Variants in ADGRB3 observed in about 807,000 individuals in gnomAD.
ADGRB3 encodes adhesion G protein-coupled receptor B3.
ADGRB3 carries 37 observed loss-of-function variants against 193.4 expected under a neutral mutation model. The observed-to-expected ratio is 0.19, with a 90% CI of 0.15 to 0.25. The LOEUF (loss-of-function observed/expected upper bound fraction) is 0.25. Ranked by LOEUF, ADGRB3 falls within the 10% of genes least tolerant of loss-of-function variation. ADGRB3 has a pLI of 1.00. For synonymous variants in ADGRB3, 690 were observed against 644.2 expected, an observed-to-expected ratio of 1.07 and a Z score of -1.08; for missense variants, 1,637 against 1,852.9, an observed-to-expected ratio of 0.88 and a Z score of 2.14.
intron 17 of ADGRB3, among the ~76,000 whole-genome samples, chr6:69,172,911 T>C (rs1164852190): frequency 2.0e-5 from 3 of 152,116 alleles, no homozygotes; most frequent in Non-Finnish European, 4.4e-5. Context: ...AGAATGCTGG[T>C]ATGTCTGGAA....
intron 3 of ADGRB3, among the ~76,000 whole-genome samples, chr6:68,786,828 A>C (rs868271564): frequency 8.6e-5 from 13 of 151,610 alleles, no homozygotes; most frequent in South Asian, 2.1e-4. Context: ...CTTTTATTTC[A>C]TTGAGCAGTG....
intron 3 of ADGRB3, among the ~76,000 whole-genome samples, chr6:68,791,200 T>A (rs1447745715): frequency 1.3e-5 from 2 of 152,094 alleles, no homozygotes; most frequent in Non-Finnish European, 2.9e-5. Flanking sequence ...CAGAAAAAAA[T>A]GTTAAAATTA....
rs150952057 is a variant in ADGRB3 at position 68,804,044 on chromosome 6, G to A, written c.758-126515G>A. ...TTGACTGATTGCCTGTTTCCTAGGAGCTCAAGGTCTAATTGGAGAATAGAT... is the reference window on the plus strand; with the variant it reads ...TTGACTGATTGCCTGTTTCCTAGGAACTCAAGGTCTAATTGGAGAATAGAT... On this transcript the variant is annotated intron_variant, in intron 3 of 31. Coordinates refer to ENST00000370598, the MANE Select transcript of ADGRB3 (RefSeq NM_001704.3). 1.2e-3 allele frequency among the ~76,000 whole-genome samples: 179 copies of A among 152,262 alleles called. 1 individual carries two copies. The highest frequency in any genetic ancestry group is 4.1e-3 in the African/African-American group (172 of 41,550).
intron 5 of ADGRB3, among the ~76,000 whole-genome samples, chr6:68,941,532 C>CT (rs1044593111): frequency 1.1e-4 from 17 of 151,646 alleles, no homozygotes; most frequent in Admixed American, 7.9e-4. Context: ...TAGCATCTTC[C>CT]TTTTTTTCTG....
chr6:68,700,536 G>T (rs1374958432), intron 3 of ADGRB3, among the ~76,000 whole-genome samples: 2 of 151,918 alleles, frequency 1.3e-5, no homozygotes, highest in African/African-American at 4.8e-5. Flanking sequence ...TATAGTCAGT[G>T]TTATTTTATT....
At chr6:69,150,529 C>A (rs895692321) in intron 17 of ADGRB3, among the ~76,000 whole-genome samples, 1 of 152,180 alleles carries the variant, frequency 6.6e-6, no homozygotes, top group Admixed American at 6.5e-5. Context: ...TAGCCCAGAA[C>A]AGGTCCATAA....
intron 11 of ADGRB3, among the ~76,000 whole-genome samples, chr6:68,997,488 C>CAAA (rs748557247): frequency 0.13 from 6,743 of 52,118 alleles, 383 homozygotes; most frequent in Non-Finnish European, 0.15. Flanking sequence ...ACTAAAAATA[C>CAAA]AAAAAAAAAA....
At chr6:68,958,272 C>T (rs1371223893) in intron 8 of ADGRB3, among the ~76,000 whole-genome samples, 3 of 152,110 alleles carry the variant, frequency 2.0e-5, no homozygotes, top group Non-Finnish European at 4.4e-5. Flanking sequence ...AAAAAGTAAC[C>T]AGCATGCAGG....
chr6:68,994,051 G>T, intron 11 of ADGRB3, 89 bp downstream of exon 11: 1 of 1,281,908 alleles, frequency 7.8e-7, no homozygotes. Context: ...TCTTGGAGGC[G>T]GACTGGAGGA....
intron 3 of ADGRB3, among the ~76,000 whole-genome samples, chr6:68,715,658 G>A (rs1332390518): frequency 2.0e-5 from 3 of 151,632 alleles, no homozygotes; most frequent in South Asian, 2.1e-4. Context: ...AAATGTATGG[G>A]CAATTAATAT....
intron 3 of ADGRB3, among the ~76,000 whole-genome samples, chr6:68,750,201 T>G (rs1206127958): frequency 6.6e-6 from 1 of 152,202 alleles, no homozygotes; most frequent in East Asian, 1.9e-4. Context: ...CATGATATAT[T>G]TAAGTTAGTA....
chr6:69,350,299 T>TG (rs1325814260), intron 26 of ADGRB3, among the ~76,000 whole-genome samples: 2 of 362 alleles, frequency 5.5e-3, no homozygotes, highest in Non-Finnish European at 8.7e-3. Context: ...CTCGCCATTC[T>TG]TTTTTTTTTT....
At chr6:69,256,775 T>TTA (rs1766783035) in intron 20 of ADGRB3, among the ~76,000 whole-genome samples, 1 of 152,218 alleles carries the variant, frequency 6.6e-6, no homozygotes, top group Non-Finnish European at 1.5e-5. Flanking sequence ...CATCCCTGTC[T>TTA]TGTGCCAGTT....
At chr6:68,808,094 T>C (rs933655967) in intron 3 of ADGRB3, among the ~76,000 whole-genome samples, 1 of 152,116 alleles carries the variant, frequency 6.6e-6, no homozygotes, top group Admixed American at 6.5e-5. Flanking sequence ...CTCTTACTCC[T>C]GAAAAAATAA....
At position 69,334,642 on chromosome 6, in the gene ADGRB3, G is replaced by A. The variant is rs544719668; in HGVS notation, c.3188+1634G>A. On this transcript the variant is annotated intron_variant, in intron 24 of 31. Transcript: ENST00000370598. ...TACGCCACATGTGGTGGAAATTGAA[G>A]TAAGCTTCTTCAGTTATTTCTGTCC... Among the ~76,000 whole-genome samples the A allele has an allele frequency of 2.3e-4, 35 of 152,282 alleles. No homozygotes were observed. In the East Asian group the frequency reaches 6.8e-3, roughly 29 times the overall value.
At chr6:69,221,636 C>T (rs1259723634) in intron 17 of ADGRB3, among the ~76,000 whole-genome samples, 2 of 152,114 alleles carry the variant, frequency 1.3e-5, no homozygotes, top group Non-Finnish European at 2.9e-5. Context: ...CTTCATATTT[C>T]CCCAAAGCCA....
chr6:68,713,992 G>T (rs2802677), intron 3 of ADGRB3, among the ~76,000 whole-genome samples: 58,490 of 151,288 alleles, frequency 0.39, 11,788 homozygotes, highest in East Asian at 0.6. Flanking sequence ...GCATTTTATA[G>T]AAAAGGATTA....
intron 17 of ADGRB3, among the ~76,000 whole-genome samples, chr6:69,224,339 A>G (rs1765961878): frequency 6.6e-6 from 1 of 152,118 alleles, no homozygotes; most frequent in South Asian, 2.1e-4. Context: ...AGAAAGTAAC[A>G]TATGTTTAAA....
intron 8 of ADGRB3, among the ~76,000 whole-genome samples, chr6:68,961,577 T>G (rs937619151): frequency 5.9e-5 from 9 of 152,180 alleles, no homozygotes; most frequent in African/African-American, 2.2e-4. Flanking sequence ...ACAAATATTT[T>G]TGTCTTTGAG....
Sources: gnomAD v4.1 joint callset for allele counts (sites outside exome capture counted in the v4.1 genomes callset) on GRCh38, gnomAD v4.1.1 for gene constraint, MANE v1.5 for transcripts, NCBI Gene and HGNC (gene_info 2026-07-23, HGNC 2026-07-21) for gene names.